Variants in MAD1L1 observed in about 807,000 individuals in gnomAD.
MAD1L1 encodes mitotic arrest deficient 1 like 1.
A neutral mutation model predicts 96.9 loss-of-function variants in MAD1L1; 95 were observed. The ratio of observed to expected loss-of-function variants is 0.98; its 90% CI spans 0.83 to 1.16. The LOEUF is 1.16. Among genes scored for constraint, MAD1L1 ranks in the 50% most tolerant of loss-of-function variants. MAD1L1 has a pLI of 0.00. For synonymous variants in MAD1L1, 473 were observed against 396.6 expected (o/e 1.19, Z -2.29); for missense variants, 1,007 against 954.4 (o/e 1.06, Z -0.73).
intron 3 of MAD1L1, 88 bp downstream of exon 3, chr7:2,229,881 TCTGCTAATACCGACC>T (rs979829901): frequency 8.0e-7 from 1 of 1,251,504 alleles, no homozygotes; most frequent in Non-Finnish European, 1.1e-6. Flanking sequence ...GTCTCTAGGC[TCTGCTAATACCGACC>T]CACCTCAACT....
chr7:1,906,343 C>T (rs1170403929), intron 17 of MAD1L1, among the ~76,000 whole-genome samples: 3 of 152,204 alleles, frequency 2.0e-5, no homozygotes, highest in Admixed American at 6.5e-5. Context: ...CACAGCAAGA[C>T]TTGAGCTGAG....
chr7:1,816,144 G>A lies in MAD1L1; in HGVS notation c.2083C>T (p.Arg695Trp), dbSNP rs201541833. ...AAGGCAGGGATGCTGTCCTGGCGCCGCAGGTGCACCTCGATGAGCTCGCCC... is the reference window on the plus strand; with the variant it reads ...AAGGCAGGGATGCTGTCCTGGCGCCACAGGTGCACCTCGATGAGCTCGCCC... Reference protein sequence around the residue: ...TVGELIEVHLRRQDSIPAFLS... With the variant: ...TVGELIEVHLWRQDSIPAFLS... The change falls in exon 19 of 19, where the codon CGG (arginine) becomes TGG (tryptophan). Residue 695 changes from arginine to tryptophan, a missense_variant. By Grantham distance (101) the Arg-to-Trp change is moderately radical. Coordinates refer to ENST00000265854, the MANE Select transcript of MAD1L1 (RefSeq NM_001013836.2). The A allele has an allele frequency of 7.3e-4, 1,170 of 1,613,142 alleles. No individual in the cohort carries two copies. The highest frequency in any genetic ancestry group is 9.5e-4 in the Non-Finnish European group (1,123 of 1,179,876).
intron 10 of MAD1L1, among the ~76,000 whole-genome samples, chr7:2,163,212 C>T (rs1048837869): frequency 5.9e-5 from 9 of 152,192 alleles, no homozygotes; most frequent in Non-Finnish European, 1.2e-4. Context: ...ACTGAGTGAG[C>T]ACCACAGTGT....
intron 18 of MAD1L1, among the ~76,000 whole-genome samples, chr7:1,870,753 T>C (rs1330062509): frequency 0.018 from 940 of 51,556 alleles, no homozygotes; most frequent in Middle Eastern, 0.11. Flanking sequence ...ACCCAACATA[T>C]GCCTGCCACG....
Position 2,131,994 on chromosome 7 carries a change from G to A in MAD1L1, c.1073+17158C>T, listed in dbSNP as rs542913220. 4.7e-4 allele frequency among the ~76,000 whole-genome samples: 72 copies of A among 152,256 alleles called. 1 individual carries two copies. In the South Asian group the frequency reaches 0.014, roughly 29 times the overall value. On this transcript the variant is annotated intron_variant, in intron 11 of 18. Coordinates refer to ENST00000265854, the MANE Select transcript of MAD1L1 (RefSeq NM_001013836.2). ...GAAAGATGTGCCTCGTAGACCCGCC[G>A]CGGCGCTGCCTCCTGACGCTCAGCG... is the stretch of plus-strand genomic sequence containing the variant.
At chr7:1,959,150 G>C (rs1174416848) in intron 15 of MAD1L1, among the ~76,000 whole-genome samples, 1 of 152,152 alleles carries the variant, frequency 6.6e-6, no homozygotes, top group African/African-American at 2.4e-5. Context: ...TCCTCAGGAG[G>C]CTGAGGCATA....
intron 12 of MAD1L1, among the ~76,000 whole-genome samples, chr7:2,045,309 G>A (rs990669777): frequency 5.3e-5 from 8 of 151,808 alleles, no homozygotes; most frequent in South Asian, 2.1e-4. Flanking sequence ...GATACCCCAC[G>A]TCCCTATGAG....
At chr7:2,060,395 GCTGATGCTGAGATACA>G (rs1244832934) in intron 12 of MAD1L1, among the ~76,000 whole-genome samples, 4 of 151,406 alleles carry the variant, frequency 2.6e-5, no homozygotes, top group Admixed American at 6.6e-5. Context: ...GTCAAGATAC[GCTGATGCTGAGATACA>G]CTGATGCTGA....
intron 13 of MAD1L1, among the ~76,000 whole-genome samples, chr7:2,004,507 C>T (rs779610880): frequency 6.6e-6 from 1 of 152,214 alleles, no homozygotes; most frequent in Non-Finnish European, 1.5e-5. Flanking sequence ...GAGGCAGGGT[C>T]GTCCGGAAGC....
At chr7:1,826,448 C>T (rs1782398612) in intron 18 of MAD1L1, among the ~76,000 whole-genome samples, 1 of 152,228 alleles carries the variant, frequency 6.6e-6, no homozygotes, top group Non-Finnish European at 1.5e-5. Context: ...CCAGCCCCAC[C>T]CTGCACAAGC....
At chr7:2,161,900 C>CCCCG (rs1464339568) in intron 10 of MAD1L1, among the ~76,000 whole-genome samples, 3 of 148,038 alleles carry the variant, frequency 2.0e-5, no homozygotes, top group African/African-American at 7.6e-5. Flanking sequence ...GGGGGGCAGC[C>CCCCG]CCCGCCCGCC....
intron 12 of MAD1L1, among the ~76,000 whole-genome samples, chr7:2,055,139 G>A (rs1418996260): frequency 6.6e-6 from 1 of 152,160 alleles, no homozygotes; most frequent in Admixed American, 6.5e-5. Context: ...GCAGCACAGC[G>A]AGGCGGTGCG....
At chr7:1,907,569 G>A (rs1787744567) in intron 17 of MAD1L1, among the ~76,000 whole-genome samples, 2 of 152,188 alleles carry the variant, frequency 1.3e-5, no homozygotes, top group African/African-American at 4.8e-5. Context: ...GCCGCCACGG[G>A]GCCAGGAGGA....
At chr7:2,121,314 C>T (rs1787967559) in intron 11 of MAD1L1, among the ~76,000 whole-genome samples, 1 of 152,222 alleles carries the variant, frequency 6.6e-6, no homozygotes. Flanking sequence ...CAGAGCGAGG[C>T]TCTGCACCAG....
intron 15 of MAD1L1, among the ~76,000 whole-genome samples, chr7:1,962,015 T>C (rs770093697): frequency 1.1e-4 from 16 of 151,048 alleles, no homozygotes; most frequent in Non-Finnish European, 1.8e-4. Flanking sequence ...GGGAGGCCTG[T>C]GGTGGGAGAT....
chr7:2,204,422 A>T (rs541474648), intron 10 of MAD1L1, among the ~76,000 whole-genome samples: 1 of 152,342 alleles, frequency 6.6e-6, no homozygotes, highest in Admixed American at 6.5e-5. Context: ...GATCACATCC[A>T]TTACGCCAAA....
chr7:1,817,041 A>G (rs997082195), intron 18 of MAD1L1: 1 of 152,338 alleles, frequency 6.6e-6, no homozygotes, highest in Non-Finnish European at 1.5e-5. Context: ...AGAGCCAATT[A>G]AACAAGGGGC....
At chr7:1,928,369 C>T (rs531663223) in intron 17 of MAD1L1, among the ~76,000 whole-genome samples, 1 of 150,680 alleles carries the variant, frequency 6.6e-6, no homozygotes, top group African/African-American at 2.4e-5. Context: ...CCAGACACTG[C>T]TCCCCACCAC....
At chr7:2,022,012 G>C (rs1448055010) in intron 12 of MAD1L1, among the ~76,000 whole-genome samples, 1 of 152,118 alleles carries the variant, frequency 6.6e-6, no homozygotes, top group African/African-American at 2.4e-5. Flanking sequence ...CTGGAGTGCA[G>C]TGGTGTGATC....
Sources: allele counts gnomAD v4.1 joint callset (sites outside exome capture counted in the v4.1 genomes callset), GRCh38; gene constraint gnomAD v4.1.1; transcripts MANE v1.5; gene names NCBI Gene and HGNC (gene_info 2026-07-23, HGNC 2026-07-21).